PRRC2B: variants seen among roughly 807,000 people sequenced by gnomAD.
PRRC2B encodes protein PRRC2B.
PRRC2B carries 68 observed loss-of-function variants against 242.3 expected under a neutral mutation model. The observed-to-expected ratio is 0.28, with a 90% CI of 0.23 to 0.34. The LOEUF (loss-of-function observed/expected upper bound fraction) is 0.34, where lower values mean the gene tolerates loss of function less well. Ranked by LOEUF, PRRC2B falls within the 10% of genes least tolerant of loss-of-function variation. The probability of loss-of-function intolerance (pLI) is 1.00; values close to 1 mark genes in which losing one functional copy is unlikely to be tolerated. For synonymous variants in PRRC2B, 1,228 were observed against 1,173.6 expected (o/e 1.05, Z -0.95); for missense variants, 2,835 against 2,954.8 (o/e 0.96, Z 0.94).
intron 4 of PRRC2B, among the ~76,000 whole-genome samples, chr9:131,438,345 G>T (rs903473507): frequency 6.6e-6 from 1 of 152,050 alleles, no homozygotes; most frequent in Admixed American, 6.6e-5. Flanking sequence ...CTGAGCCTCA[G>T]TGGGGGATGT....
At position 131,499,723 on chromosome 9, in the gene PRRC2B, A is replaced by G. The variant is rs150631746; in HGVS notation, c.*3849A>G. The G allele has an allele frequency of 6.2e-4, 95 of 152,202 alleles. 1 individual carries two copies. The highest frequency in any genetic ancestry group is 2.2e-3 in the African/African-American group (90 of 41,536). The allele number at this position is 152,202 out of a possible 1,614,324, so 9.4% of individuals were successfully genotyped here. ...ATGGTAGTGGCACCCTCAGAGCCCC[A>G]TCTTCAGCATGTTCTGAAGCCTCAG... On this transcript the variant is annotated 3_prime_UTR_variant, in exon 32 of 32. Transcript: ENST00000683519.
chr9:131,460,037 G>A (rs1235157350), intron 11 of PRRC2B, among the ~76,000 whole-genome samples: 1 of 150,390 alleles, frequency 6.6e-6, no homozygotes, highest in Non-Finnish European at 1.5e-5. Context: ...AGAAAAGTTG[G>A]AAGTACATTA....
chr9:131,420,013 A>G (rs1837758887), intron 1 of PRRC2B, among the ~76,000 whole-genome samples: 3 of 150,246 alleles, frequency 2.0e-5, no homozygotes, highest in Non-Finnish European at 4.4e-5. Context: ...GTGCTGGAGA[A>G]CCCCCCAGTT....
Position 131,432,730 on chromosome 9 carries a change from A to G in PRRC2B, c.229A>G (p.Ile77Val), listed in dbSNP as rs748496050. Residue 77 changes from isoleucine (I) to valine (V), a missense_variant, in exon 3 of 32, where the codon ATC becomes GTC. This residue lies in a region of PRRC2B where 626 missense variants were observed against 685.5 expected (regional missense o/e 0.91). Transcript: ENST00000683519. ...TGAAAACAAAGGAAACGACCCCAAC[A>G]TCGTGATAGTACCCAAGGACGGGAC... ...KSENKGNDPN[I>V]VIVPKDGTGW... The G allele has an allele frequency of 8.7e-6, 14 of 1,613,934 alleles. No individual in the cohort carries two copies. The highest frequency in any genetic ancestry group is 1.1e-5 in the South Asian group (1 of 91,086).
chr9:131,472,461 C>G (rs897472231), intron 14 of PRRC2B, among the ~76,000 whole-genome samples: 1 of 144,652 alleles, frequency 6.9e-6, no homozygotes, highest in South Asian at 2.2e-4. Flanking sequence ...CCCACCACCA[C>G]GCCCAGCTAA....
At chr9:131,417,331 C>T (rs1837686183) in intron 1 of PRRC2B, among the ~76,000 whole-genome samples, 1 of 152,074 alleles carries the variant, frequency 6.6e-6, no homozygotes, top group Non-Finnish European at 1.5e-5. Flanking sequence ...CTCCTTTCCC[C>T]ACCCCTTCCC....
intron 9 of PRRC2B, among the ~76,000 whole-genome samples, chr9:131,451,026 C>T (rs564436368): frequency 1.3e-5 from 2 of 152,286 alleles, no homozygotes; most frequent in African/African-American, 2.4e-5. Flanking sequence ...AGGCATTTTA[C>T]GGTTTTTTGA....
In PRRC2B at chr9:131,446,705, C is replaced by A; in HGVS notation, c.855+63C>A. 1 of 1,581,020 alleles carries A rather than the reference C, an allele frequency of 6.3e-7. No homozygotes were observed. Among genetic ancestry groups the A allele is most frequent in the Non-Finnish European group, 8.6e-7 (1 of 1,158,210 alleles). On this transcript the variant is annotated intron_variant, in intron 7 of 31. Transcript: ENST00000683519. The surrounding 1 kb of genome is among the most constrained non-coding windows in gnomAD (Gnocchi z 4.1). The stretch of plus-strand genomic sequence containing the variant: ...GTTGGATTGTGTCCAGCAGATAGGT[C>A]AAGTGGTTGAATGTCCCCCTTGGGG...
intron 30 of PRRC2B, 68 bp downstream of exon 30, chr9:131,492,328 T>C: frequency 7.7e-7 from 1 of 1,303,852 alleles, no homozygotes; most frequent in Non-Finnish European, 1.1e-6. Flanking sequence ...GCCCAGTGAC[T>C]CAGAAGAATC....
At chr9:131,472,473 T>A in intron 14 of PRRC2B, among the ~76,000 whole-genome samples, 1 of 133,768 alleles carries the variant, frequency 7.5e-6, no homozygotes, top group African/African-American at 2.9e-5. Flanking sequence ...CCCAGCTAAT[T>A]TTTTTTTTTT....
At chr9:131,406,932 T>C (rs563389759) in intron 1 of PRRC2B, among the ~76,000 whole-genome samples, 2 of 152,364 alleles carry the variant, frequency 1.3e-5, no homozygotes, top group South Asian at 4.1e-4. Context: ...CAGTTGTTTT[T>C]AACTAAGGGG....
At chr9:131,434,588 G>T (rs1838282491) in intron 3 of PRRC2B, among the ~76,000 whole-genome samples, 1 of 152,252 alleles carries the variant, frequency 6.6e-6, no homozygotes, top group African/African-American at 2.4e-5. Context: ...GGTAGAAGGA[G>T]ATGTAAGAAC....
At position 131,475,924 on chromosome 9, in the gene PRRC2B, A is replaced by G. The variant is rs747225450; in HGVS notation, c.3795A>G (p.Ala1265=). 25 of 1,613,652 alleles carry G rather than the reference A, an allele frequency of 1.5e-5. No homozygotes were observed. The South Asian group carries it at 2.3e-4, about 15-fold the overall frequency. ...YVPDSYRHPD[A]FGGRGFEDSR... ...CAGATTCCTACAGACACCCTGACGC[A>G]TTTGGTGGCCGGGGCTTTGAGGACA... is the stretch of plus-strand genomic sequence containing the variant. Residue 1265 remains alanine, a synonymous_variant, in exon 16 of 32, where the codon GCA becomes GCG. Transcript: ENST00000683519.
intron 5 of PRRC2B, among the ~76,000 whole-genome samples, chr9:131,441,536 T>A (rs914133744): frequency 3.3e-5 from 5 of 152,118 alleles, no homozygotes; most frequent in South Asian, 2.1e-4. Context: ...ACACAAAATT[T>A]AAAAAAACAA....
intron 3 of PRRC2B, among the ~76,000 whole-genome samples, chr9:131,433,695 C>T (rs948138318): frequency 6.6e-6 from 1 of 152,182 alleles, no homozygotes; most frequent in African/African-American, 2.4e-5. Context: ...TGGTGGCCTC[C>T]CTGCTGATGT....
At chr9:131,417,155 T>C (rs1837681357) in intron 1 of PRRC2B, among the ~76,000 whole-genome samples, 2 of 152,088 alleles carry the variant, frequency 1.3e-5, no homozygotes, top group Non-Finnish European at 2.9e-5. Flanking sequence ...ATAGGTTTTC[T>C]TTCTCTGGGG....
chr9:131,491,130 T>C (rs1944181721), intron 28 of PRRC2B: 1 of 367,910 alleles, frequency 2.7e-6, no homozygotes, highest in South Asian at 4.7e-5. Flanking sequence ...GAGATGTGGA[T>C]GAGACACACT....
chr9:131,496,073 G>C lies in PRRC2B; in HGVS notation c.*199G>C. The C allele has an allele frequency of 1.5e-6, 1 of 660,754 alleles. No homozygotes were observed. The highest frequency in any genetic ancestry group is 1.8e-5 in the African/African-American group (1 of 55,180). 40.9% of individuals were successfully genotyped at this position (660,754 alleles called of 1,614,324 possible). ...GTGGATATATGGCATTGACCCGCTTGCTTTGATACGAAACAAAAAAGCAGA... is the reference window on the plus strand; with the variant it reads ...GTGGATATATGGCATTGACCCGCTTCCTTTGATACGAAACAAAAAAGCAGA... On this transcript the variant is annotated 3_prime_UTR_variant, in exon 32 of 32. Coordinates refer to ENST00000683519, the MANE Select transcript of PRRC2B (RefSeq NM_013318.4).
intron 12 of PRRC2B, among the ~76,000 whole-genome samples, chr9:131,467,300 G>A (rs1943424588): frequency 6.6e-6 from 1 of 152,176 alleles, no homozygotes; most frequent in Non-Finnish European, 1.5e-5. Flanking sequence ...CACTGACCGT[G>A]TGACCCTGGA....
Sources: gnomAD v4.1 joint callset for allele counts (sites outside exome capture counted in the v4.1 genomes callset) on GRCh38, gnomAD v4.1.1 for gene constraint, gnomAD v4.1.1 regional missense constraint, Gnocchi (gnomAD v3.1) non-coding constraint, MANE v1.5 for transcripts, NCBI Gene and HGNC (gene_info 2026-07-23, HGNC 2026-07-21) for gene names.